LMX1A: variants seen among roughly 807,000 people sequenced by gnomAD.
The protein encoded by LMX1A is LIM homeobox transcription factor 1-alpha.
Under a neutral mutation model 49.1 loss-of-function variants are expected in LMX1A, and 15 were observed. The ratio of observed to expected loss-of-function variants is 0.31; its 90% confidence interval spans 0.20 to 0.47. The LOEUF (loss-of-function observed/expected upper bound fraction) is 0.47. Ranked by LOEUF, LMX1A falls within the 20% of genes least tolerant of loss-of-function variation. The pLI, the probability that LMX1A is intolerant of heterozygous loss-of-function variation, is 1.00. For synonymous variants in LMX1A, 167 were observed against 185.7 expected (o/e 0.90, Z 0.82); for missense variants, 372 against 475.8 (o/e 0.78, Z 2.03).
At position 165,353,193 on chromosome 1, in the gene LMX1A, C is replaced by A. The variant is rs376967723; in HGVS notation, c.146G>T (p.Arg49Leu). The A allele has an allele frequency of 6.2e-7, 1 of 1,614,092 alleles. No homozygotes were observed. Among genetic ancestry groups the A allele is most frequent in the Non-Finnish European group, 8.5e-7 (1 of 1,180,030 alleles). Residue 49 changes from arginine to leucine, a missense_variant, in exon 3 of 9, where the codon CGG (arginine) becomes CTG (leucine). Arg to Leu is a moderately radical substitution (Grantham distance 102). This residue lies in a region of LMX1A where 199 missense variants were observed against 244.0 expected (regional missense o/e 0.82). Transcript: ENST00000342310. ...QRVILDRFLL[R>L]LNDSFWHEQC... Reference sequence around the variant, plus strand: ...CTCATGCCAGAAGCTGTCGTTGAGCCGCAGCAGAAACCTGTCCAAGATGAC... The same window carrying A: ...CTCATGCCAGAAGCTGTCGTTGAGCAGCAGCAGAAACCTGTCCAAGATGAC...
chr1:165,351,980 G>A (rs192265826), intron 3 of LMX1A, among the ~76,000 whole-genome samples: 2 of 152,094 alleles, frequency 1.3e-5, no homozygotes, highest in East Asian at 3.9e-4. Context: ...AGAATTCTGC[G>A]CGTGCACGCG....
chr1:165,206,101 T>C, intron 7 of LMX1A, 67 bp from the exon 8 acceptor site: 2 of 1,378,154 alleles, frequency 1.5e-6, no homozygotes, highest in Non-Finnish European at 2.0e-6. Flanking sequence ...CCCTGGGTCC[T>C]GATTCCCTCA....
intron 2 of LMX1A, 120 bp from the exon 3 acceptor site, chr1:165,353,382 A>C (rs1571239878): frequency 1.3e-6 from 1 of 760,590 alleles, no homozygotes; most frequent in East Asian, 2.7e-5. Flanking sequence ...CCCCCACCCC[A>C]GGGAACTCCT....
At chr1:165,295,793 A>G (rs916859893) in intron 3 of LMX1A, among the ~76,000 whole-genome samples, 2 of 152,180 alleles carry the variant, frequency 1.3e-5, no homozygotes, top group African/African-American at 2.4e-5. Context: ...TCACATGCCC[A>G]GGAGAAAACT....
intron 4 of LMX1A, among the ~76,000 whole-genome samples, chr1:165,223,183 A>G (rs1469622814): frequency 6.6e-6 from 1 of 152,258 alleles, no homozygotes; most frequent in African/African-American, 2.4e-5. Context: ...AGAATAATAA[A>G]GATCTGTCAA....
chr1:165,214,889 TAAA>T (rs1651582542), intron 4 of LMX1A, among the ~76,000 whole-genome samples: 1 of 152,186 alleles, frequency 6.6e-6, no homozygotes, highest in African/African-American at 2.4e-5. Flanking sequence ...TGAAAGGAAA[TAAA>T]ATCTCTAGTA....
At chr1:165,348,059 A>G (rs1050943736) in intron 3 of LMX1A, among the ~76,000 whole-genome samples, 4 of 152,268 alleles carry the variant, frequency 2.6e-5, no homozygotes, top group Non-Finnish European at 2.9e-5. Context: ...AAGAAAAATG[A>G]AAACAAAAAG....
In LMX1A at chr1:165,356,339, G is replaced by A. The variant is rs780028965; in HGVS notation, c.-23+16C>T. 3.3e-5 allele frequency: 5 copies of A among 152,300 alleles called. No individual in the cohort carries two copies. The highest frequency in any genetic ancestry group is 7.3e-5 in the Non-Finnish European group (5 of 68,100). The allele number at this position is 152,300 out of a possible 1,614,324, so 9.4% of individuals were successfully genotyped here. On this transcript the variant is annotated intron_variant, in intron 1 of 8. Coordinates refer to ENST00000342310, the MANE Select transcript of LMX1A (RefSeq NM_177398.4). ...CCCGCCCGAGCCACAGCCTAGGCAC[G>A]GGCAGCCTTACTTACCTGGTAGGCG...
intron 3 of LMX1A, among the ~76,000 whole-genome samples, chr1:165,326,478 A>G (rs1462710567): frequency 6.6e-6 from 1 of 152,220 alleles, no homozygotes; most frequent in Non-Finnish European, 1.5e-5. Flanking sequence ...AGAACTGGTC[A>G]ATGGTATTAA....
chr1:165,215,101 T>C (rs755887834), intron 4 of LMX1A, among the ~76,000 whole-genome samples: 3 of 152,150 alleles, frequency 2.0e-5, no homozygotes, highest in Non-Finnish European at 4.4e-5. Context: ...GTGGATTTCC[T>C]GAGCTCAGGA....
intron 4 of LMX1A, among the ~76,000 whole-genome samples, chr1:165,224,627 T>C (rs527751703): frequency 6.6e-6 from 1 of 152,324 alleles, no homozygotes; most frequent in South Asian, 2.1e-4. Context: ...CACAACAACA[T>C]ACTGAGTGCT....
At chr1:165,331,930 A>T (rs1219249961) in intron 3 of LMX1A, among the ~76,000 whole-genome samples, 2 of 152,180 alleles carry the variant, frequency 1.3e-5, no homozygotes, top group East Asian at 1.9e-4. Flanking sequence ...AAAATAAAAT[A>T]AAAATTAAAA....
At position 165,205,695 on chromosome 1, in the gene LMX1A, G is replaced by A. The variant is rs137915510; in HGVS notation, c.988+169C>T. Among the ~76,000 whole-genome samples the A allele has an allele frequency of 1.7e-3, 252 of 152,318 alleles. 1 individual carries two copies. Among genetic ancestry groups the A allele is most frequent in the African/African-American group, 5.7e-3 (236 of 41,562 alleles). Reference sequence around the variant, plus strand: ...GTGTCAATAATGAATATGCATGAAGGTCTTTCTCCTGTAGTCATTGGTTAG... The same window carrying A: ...GTGTCAATAATGAATATGCATGAAGATCTTTCTCCTGTAGTCATTGGTTAG... On this transcript the variant is annotated intron_variant, in intron 8 of 8. Transcript: ENST00000342310.
intron 3 of LMX1A, among the ~76,000 whole-genome samples, chr1:165,283,627 A>G (rs1394239597): frequency 5.3e-5 from 8 of 152,010 alleles, no homozygotes; most frequent in Admixed American, 4.6e-4. Flanking sequence ...TTTACCACAT[A>G]CCCTGCATAG....
At chr1:165,229,788 G>T (rs1257108858) in intron 4 of LMX1A, among the ~76,000 whole-genome samples, 1 of 152,068 alleles carries the variant, frequency 6.6e-6, no homozygotes, top group Non-Finnish European at 1.5e-5. Context: ...ATACATGAGG[G>T]CTCTTTTTTC....
chr1:165,213,621 C>T lies in LMX1A; in HGVS notation c.669+20G>A, dbSNP rs1184387440. ...GAGAAGTGGGGCCCAGCTCCTTTTCCTCCCTGCTCCCTCCTATACCTTCCT... is the reference window on the plus strand; with the variant it reads ...GAGAAGTGGGGCCCAGCTCCTTTTCTTCCCTGCTCCCTCCTATACCTTCCT... On this transcript the variant is annotated intron_variant, in intron 5 of 8. Transcript: ENST00000342310. 9.4e-6 allele frequency: 15 copies of T among 1,603,108 alleles called. No homozygotes were observed. The Admixed American group carries it at 1.4e-4, about 15-fold the overall frequency.
chr1:165,243,344 C>T (rs1165141814), intron 4 of LMX1A, among the ~76,000 whole-genome samples: 1 of 152,240 alleles, frequency 6.6e-6, no homozygotes, highest in East Asian at 1.9e-4. Flanking sequence ...TGGTTACCCA[C>T]AGCCAGGCCC....
chr1:165,293,335 A>G (rs112682571), intron 3 of LMX1A, among the ~76,000 whole-genome samples: 1 of 152,208 alleles, frequency 6.6e-6, no homozygotes, highest in African/African-American at 2.4e-5. Flanking sequence ...TAGCACTTTC[A>G]CAAATAATAT....
intron 3 of LMX1A, among the ~76,000 whole-genome samples, chr1:165,257,170 A>G (rs7522145): frequency 0.011 from 1,673 of 152,280 alleles, 36 homozygotes; most frequent in African/African-American, 0.038. Context: ...TGGGGTAAAT[A>G]GAACTATTTT....
Sources: gnomAD v4.1 joint callset for allele counts (sites outside exome capture counted in the v4.1 genomes callset) on GRCh38, gnomAD v4.1.1 for gene constraint, gnomAD v4.1.1 regional missense constraint, MANE v1.5 for transcripts, NCBI Gene and HGNC (gene_info 2026-07-23, HGNC 2026-07-21) for gene names.